Variants in LGALS3 observed in about 807,000 individuals in gnomAD.
The protein encoded by LGALS3 is galectin 3, also known as galectin-3.
A neutral mutation model predicts 20.7 loss-of-function variants in LGALS3; 18 were observed. The ratio of observed to expected loss-of-function variants is 0.87; its 90% CI spans 0.60 to 1.29. The LOEUF (loss-of-function observed/expected upper bound fraction) is 1.29, where lower values mean the gene tolerates loss of function less well. LGALS3 is among the 50% of genes most tolerant of loss of function. The pLI, the probability that LGALS3 is intolerant of heterozygous loss-of-function variation, is 0.00. For missense variants in LGALS3, 315 were observed against 314.7 expected, an observed-to-expected ratio of 1.00 and a Z score of -0.01; for synonymous variants, 112 against 119.6, an observed-to-expected ratio of 0.94 and a Z score of 0.42.
chr14:55,145,417 G>A lies in LGALS3; in HGVS notation c.*146G>A, dbSNP rs1340180958. Reference sequence around the variant, plus strand: ...TAATAAATATTACAGTGAATTACCTGTCTCAATATGTCATTTAATTGGAGT... The same window carrying A: ...TAATAAATATTACAGTGAATTACCTATCTCAATATGTCATTTAATTGGAGT... On this transcript the variant is annotated 3_prime_UTR_variant, in exon 6 of 6. Coordinates refer to ENST00000254301, the MANE Select transcript of LGALS3 (RefSeq NM_002306.4). 7.1e-7 allele frequency: 1 copy of A among 1,404,516 alleles called. No homozygotes were observed. The highest frequency in any genetic ancestry group is 2.1e-5 in the Admixed American group (1 of 48,550). The allele number at this position is 1,404,516 out of a possible 1,614,324, so 87.0% of individuals were successfully genotyped here. A position where few individuals can be genotyped will look rare whatever the true frequency, so the allele number is the denominator to read the frequency against.
chr14:55,138,047 C>T lies in LGALS3; in HGVS notation c.21C>T (p.Leu7=). The stretch of plus-strand genomic sequence containing the variant: ...ATTGTGTATGTCTTTCTTTCCAGCT[C>T]CATGATGCGTTATCTGGGTCTGGAA... MADNFS[L]HDALSGSGNP... Residue 7 remains leucine, a splice_region_variant and synonymous_variant, in exon 3 of 6, where the codon CTC becomes CTT. Transcript: ENST00000254301. 1 of 1,498,156 alleles carries T rather than the reference C, an allele frequency of 6.7e-7. No homozygotes were observed. Among genetic ancestry groups the T allele is most frequent in the Non-Finnish European group, 8.9e-7 (1 of 1,124,110 alleles). The allele number at this position is 1,498,156 out of a possible 1,614,324, so 92.8% of individuals were successfully genotyped here. A position where few individuals can be genotyped will look rare whatever the true frequency, so the allele number is the denominator to read the frequency against.
At position 55,145,188 on chromosome 14, in the gene LGALS3, C is replaced by A. The variant is rs778604374; in HGVS notation, c.670C>A (p.Arg224=). Residue 224 remains arginine, a synonymous_variant, in exon 6 of 6, where the codon CGG becomes AGG. Transcript: ENST00000254301. Reference sequence around the variant, plus strand: ...TGCTCACTTGTTGCAGTACAATCATCGGGTTAAAAAACTCAATGAAATCAG... The same window carrying A: ...TGCTCACTTGTTGCAGTACAATCATAGGGTTAAAAAACTCAATGAAATCAG... ...NDAHLLQYNH[R]VKKLNEISKL... is the part of the protein sequence containing the mutation. 5 of 1,613,274 alleles carry A rather than the reference C, an allele frequency of 3.1e-6. No individual in the cohort carries two copies. Among genetic ancestry groups the A allele is most frequent in the Non-Finnish European group, 4.2e-6 (5 of 1,179,612 alleles).
At chr14:55,144,108 C>T (rs139881408) in intron 5 of LGALS3, among the ~76,000 whole-genome samples, 223 of 152,274 alleles carry the variant, frequency 1.5e-3, no homozygotes, top group African/African-American at 4.8e-3. Context: ...ATCCTATTTT[C>T]GTGTTTTTCT....
At chr14:55,143,344 C>T (rs1881695278) in intron 5 of LGALS3, 1 of 285,476 alleles carries the variant, frequency 3.5e-6, no homozygotes, top group Non-Finnish European at 7.0e-6. Flanking sequence ...AGTGTAAACT[C>T]TTCAACAACA....
At chr14:55,130,900 C>G (rs1265475077) in intron 1 of LGALS3, among the ~76,000 whole-genome samples, 1 of 152,116 alleles carries the variant, frequency 6.6e-6, no homozygotes, top group Non-Finnish European at 1.5e-5. Context: ...ACATTTCATA[C>G]TAGGAAATTG....
At position 55,141,977 on chromosome 14, in the gene LGALS3, A is replaced by G. The variant is rs188111572; in HGVS notation, c.432-607A>G. Among the ~76,000 whole-genome samples the G allele has an allele frequency of 1.6e-3, 242 of 152,364 alleles. 1 individual carries two copies. The highest frequency in any genetic ancestry group is 2.8e-3 in the Admixed American group (43 of 15,302). ...AGAAGGAACAGGGTCAAAAAGCTAA[A>G]CTAGCAATTTCATTGGTTCTGGCTC... On this transcript the variant is annotated intron_variant, in intron 4 of 5. Coordinates refer to ENST00000254301, the MANE Select transcript of LGALS3 (RefSeq NM_002306.4).
rs2140298543 is a variant in LGALS3, at chr14:55,145,259, T to A, written c.741T>A (p.Tyr247Ter). 1.2e-6 allele frequency: 2 copies of A among 1,613,262 alleles called. No homozygotes were observed. Among genetic ancestry groups the A allele is most frequent in the South Asian group, 1.1e-5 (1 of 91,042 alleles). ...ACATAGACCTCACCAGTGCTTCATA[T>A]ACCATGATATAATCTGAAAGGGGCA... ...SGDIDLTSAS[Y>*]TMI The change falls in exon 6 of 6, where the codon TAT (tyrosine) becomes TAA (stop). Residue 247 changes from tyrosine (Y) to a stop codon, truncating the protein, a stop_gained. Transcript: ENST00000254301. LOFTEE classifies it high-confidence loss of function.
chr14:55,144,309 A>G (rs1446576711), intron 5 of LGALS3, among the ~76,000 whole-genome samples: 1 of 152,056 alleles, frequency 6.6e-6, no homozygotes, highest in African/African-American at 2.4e-5. Context: ...ACGTGTGGCT[A>G]ATTTTTGTAT....
rs746415433 is a variant in LGALS3, at chr14:55,138,269, G to A, written c.243G>A (p.Gly81=). 6.2e-7 allele frequency: 1 copy of A among 1,612,848 alleles called. No homozygotes were observed. Among genetic ancestry groups the A allele is most frequent in the East Asian group, 2.2e-5 (1 of 44,860 alleles). The change falls in exon 3 of 6, where the codon GGG becomes GGA. Residue 81 remains glycine (G), a synonymous_variant. Transcript: ENST00000254301. ...PGAPAPGVYP[G]PPSGPGAYPS... is the part of the protein sequence containing the mutation. ...CACCTGCACCTGGAGTCTACCCAGG[G>A]CCACCCAGCGGCCCTGGGGCCTACC...
rs529205947 is a variant in LGALS3 at position 55,138,553 on chromosome 14, A to G, written c.342+185A>G. On this transcript the variant is annotated intron_variant, in intron 3 of 5. Transcript: ENST00000254301. ...TGGTTAGTATAAACAGAAGGTAATG[A>G]GTATTTTGAAGGCACTGATAAAACT... 92 of 747,864 alleles carry G rather than the reference A, an allele frequency of 1.2e-4. 2 individuals carry two copies. In the South Asian group the frequency reaches 1.3e-3, roughly 10 times the overall value. 46.3% of individuals were successfully genotyped at this position (747,864 alleles called of 1,614,324 possible). A position where few individuals can be genotyped will look rare whatever the true frequency, so the allele number is the denominator to read the frequency against.
intron 5 of LGALS3, among the ~76,000 whole-genome samples, chr14:55,144,632 C>T (rs962928934): frequency 3.3e-5 from 5 of 152,194 alleles, no homozygotes; most frequent in East Asian, 1.9e-4. Context: ...GGCACTATCT[C>T]GGCTAACTTC....
At chr14:55,137,591 C>G (rs1256413766) in intron 2 of LGALS3, 200 bp downstream of exon 2, 16 of 1,476,458 alleles carry the variant, frequency 1.1e-5, no homozygotes, top group Admixed American at 2.5e-5. Flanking sequence ...CAGAGCGAGG[C>G]CTGGGACTCA....
At chr14:55,140,918 G>A (rs1205972334) in intron 4 of LGALS3, among the ~76,000 whole-genome samples, 1 of 152,128 alleles carries the variant, frequency 6.6e-6, no homozygotes, top group African/African-American at 2.4e-5. Context: ...GGGCTGCTTG[G>A]CCCTGGTTGT....
Position 55,139,403 on chromosome 14 carries a change from G to A in LGALS3, c.343-872G>A, listed in dbSNP as rs142560725. Among the ~76,000 whole-genome samples the A allele has an allele frequency of 2.6e-5, 4 of 152,332 alleles. No homozygotes were observed. The East Asian group carries it at 7.7e-4, about 29-fold the overall frequency. On this transcript the variant is annotated intron_variant, in intron 3 of 5. Transcript: ENST00000254301. ...TCTAGTTCACACTTGTTGAATTTGA[G>A]GCACTAGCAGCAAATCTAGGTGGGA...
chr14:55,140,166 A>G, intron 3 of LGALS3, 109 bp from the exon 4 acceptor site: 1 of 702,972 alleles, frequency 1.4e-6, no homozygotes, highest in Non-Finnish European at 2.5e-6. Context: ...CATATACTAG[A>G]GTTATGTGTT....
Position 55,129,561 on chromosome 14 carries a change from C to T in LGALS3, c.-5+261C>T, listed in dbSNP as rs1192784256. On this transcript the variant is annotated intron_variant, in intron 1 of 5. Transcript: ENST00000254301. This position sits in a 1 kb window ranked among gnomAD's most constrained non-coding sequence, Gnocchi z 5.3. ...AGCACCTTACGAGACCCACACACGT[C>T]CCCGGGGCGGCACGGGCCACCTTCT... 6.6e-6 allele frequency among the ~76,000 whole-genome samples: 1 copy of T among 152,174 alleles called. No homozygotes were observed. The highest frequency in any genetic ancestry group is 1.5e-5 in the Non-Finnish European group (1 of 68,008).
At chr14:55,144,996 TTTCAG>T (rs1881763936) in intron 5 of LGALS3, 115 bp from the exon 6 acceptor site, 1 of 784,652 alleles carries the variant, frequency 1.3e-6, no homozygotes, top group Middle Eastern at 2.9e-4. Context: ...TTTCCCTTTA[TTTCAG>T]TTGACAAAAA....
rs773965913 is a variant in LGALS3 at position 55,137,390 on chromosome 14, C to T, written c.17C>T (p.Ser6Leu). 21 of 1,614,000 alleles carry T rather than the reference C, an allele frequency of 1.3e-5. No individual in the cohort carries two copies. The African/African-American group carries it at 1.3e-4, about 10-fold the overall frequency. MADNF[S>L]LHDALSGSGN... ...TTCAGGAAAATGGCAGACAATTTTT[C>T]GGTAAGTGTTTTATGCCTGTTTCTT... The change falls in exon 2 of 6, where the codon TCG becomes TTG. Residue 6 changes from serine to leucine, a missense_variant and splice_region_variant. Transcript: ENST00000254301.
At chr14:55,135,567 T>G (rs1270831471) in intron 1 of LGALS3, among the ~76,000 whole-genome samples, 2 of 141,898 alleles carry the variant, frequency 1.4e-5, no homozygotes, top group East Asian at 2.0e-4. Flanking sequence ...ATGGTTTTTT[T>G]TTTTTTTTTT....
Sources: allele counts gnomAD v4.1 joint callset (sites outside exome capture counted in the v4.1 genomes callset), GRCh38; gene constraint gnomAD v4.1.1; non-coding constraint Gnocchi (gnomAD v3.1); transcripts MANE v1.5; gene names NCBI Gene and HGNC (gene_info 2026-07-23, HGNC 2026-07-21).